The following SLC38A10 variants were observed in gnomAD, a reference collection of about 807,000 sequenced individuals.
The protein encoded by SLC38A10 is Sodium-coupled neutral amino acid transporter 10.
In SLC38A10, 53 loss-of-function variants were observed where a neutral mutation model predicts 81.0. The ratio of observed to expected loss-of-function variants is 0.65; its 90% CI spans 0.53 to 0.82. SLC38A10 has a LOEUF of 0.82. Ranked by LOEUF, SLC38A10 falls within the 40% of genes least tolerant of loss-of-function variation. The pLI is 0.00. For synonymous variants in SLC38A10, 665 were observed against 655.3 expected (o/e 1.01, Z -0.23); for missense variants, 1,471 against 1,545.0 (o/e 0.95, Z 0.80).
intron 14 of SLC38A10, among the ~76,000 whole-genome samples, chr17:81,248,772 C>T (rs1020579236): frequency 6.6e-6 from 1 of 152,244 alleles, no homozygotes; most frequent in Non-Finnish European, 1.5e-5. Flanking sequence ...CTCCCAGGAA[C>T]GCAGCCCTGG....
At chr17:81,252,842 C>A (rs1268296905) in intron 12 of SLC38A10, among the ~76,000 whole-genome samples, 159 bp from the exon 13 acceptor site, 2 of 152,236 alleles carry the variant, frequency 1.3e-5, no homozygotes, top group Non-Finnish European at 2.9e-5. Flanking sequence ...CCTGGCCAAG[C>A]ACAGCTGATG....
Position 81,260,262 on chromosome 17 carries a change from T to C in SLC38A10, c.1264A>G (p.Lys422Glu), listed in dbSNP as rs2063009656. 1 of 1,605,434 alleles carries C rather than the reference T, an allele frequency of 6.2e-7. No homozygotes were observed. The highest frequency in any genetic ancestry group is 1.1e-5 in the South Asian group (1 of 89,440). Residue 422 changes from lysine (K) to glutamate (E), a missense_variant, in exon 11 of 16, where the codon AAG becomes GAG. Transcript: ENST00000374759. ...CCTGAGAGCCGCGCTGCCTCCACCT[T>C]CATCAAACCCTCGGCCTCTCCAAGC... ...GRLGEAEGLMKVEAARLSAQD... is the reference protein window; with the variant it reads ...GRLGEAEGLMEVEAARLSAQD...
rs752422072 is a variant in SLC38A10, at chr17:81,251,510, G to A, written c.2048C>T (p.Ala683Val). 1.2e-5 allele frequency: 19 copies of A among 1,598,872 alleles called. No homozygotes were observed. Among genetic ancestry groups the A allele is most frequent in the South Asian group, 2.2e-5 (2 of 89,770 alleles). The change falls in exon 14 of 16, where the codon GCG becomes GTG. Residue 683 changes from alanine (A) to valine (V), a missense_variant. This residue lies in a region of SLC38A10 where 751 missense variants were observed against 717.4 expected (regional missense o/e 1.05). Coordinates refer to ENST00000374759, the MANE Select transcript of SLC38A10 (RefSeq NM_001037984.3). Reference sequence around the variant, plus strand: ...GGCCTTACCCTCCAGCTGGCTGGCCGCCTGGTTTCCACCCGCTCGCTCCAC... The same window carrying A: ...GGCCTTACCCTCCAGCTGGCTGGCCACCTGGTTTCCACCCGCTCGCTCCAC... ...RDVERAGGNQ[A>V]ASQLEEAGRA...
chr17:81,285,954 C>G (rs2063263059), intron 2 of SLC38A10, among the ~76,000 whole-genome samples: 1 of 152,206 alleles, frequency 6.6e-6, no homozygotes, highest in Admixed American at 6.5e-5. Context: ...CTGGCCTTTC[C>G]TGGACCTGCC....
chr17:81,253,290 G>A lies in SLC38A10; in HGVS notation c.1289-50C>T, dbSNP rs9910154. The A allele has an allele frequency of 4.4e-3, 7,054 of 1,596,116 alleles. 278 individuals are homozygous for A. In the African/African-American group the frequency reaches 0.083, roughly 19 times the overall value. ...ACTGCACTGCCAAGCAGCTCCAGGAGCGGGGCAGCTCTCCCTGGACTGTTA... is the reference window on the plus strand; with the variant it reads ...ACTGCACTGCCAAGCAGCTCCAGGAACGGGGCAGCTCTCCCTGGACTGTTA... On this transcript the variant is annotated intron_variant, in intron 11 of 15. Transcript: ENST00000374759. This position sits in a 1 kb window ranked among gnomAD's most constrained non-coding sequence, Gnocchi z 4.1.
chr17:81,245,621 C>A lies in SLC38A10; in HGVS notation c.3295G>T (p.Gly1099Ter), dbSNP rs951448345. 4 of 1,612,184 alleles carry A rather than the reference C, an allele frequency of 2.5e-6. No homozygotes were observed. Among genetic ancestry groups the A allele is most frequent in the Non-Finnish European group, 3.4e-6 (4 of 1,179,794 alleles). The change falls in exon 16 of 16, where the codon GGA becomes TGA. Residue 1099 changes from glycine (G) to a stop codon, truncating the protein, a stop_gained. Transcript: ENST00000374759. LOFTEE classifies it low-confidence loss of function (END_TRUNC). ...CGGCTGTGGACCACCTGCAGAGCTC[C>A]CCCCGCAGCCTGGCGGAGCTGGGCA... ...LDAQLRQAAG[G>*]ALQVVHSRQL...
rs1378616751 is a variant in SLC38A10 at position 81,286,131 on chromosome 17, C to T, written c.218-1236G>A. ...CCAGGGCCCTGCTGTCACCAAGGAA[C>T]GCCCTCCACACCCCTCAGTGACGGC... On this transcript the variant is annotated intron_variant, in intron 2 of 15. Coordinates refer to ENST00000374759, the MANE Select transcript of SLC38A10 (RefSeq NM_001037984.3). The surrounding 1 kb of genome is among the most constrained non-coding windows in gnomAD (Gnocchi z 6.0). Among the ~76,000 whole-genome samples, 1 of 152,206 alleles carries T rather than the reference C, an allele frequency of 6.6e-6. No individual in the cohort carries two copies. Among genetic ancestry groups the T allele is most frequent in the African/African-American group, 2.4e-5 (1 of 41,440 alleles).
At position 81,244,825 on chromosome 17, in the gene SLC38A10, G is replaced by A. The variant is rs1016618238; in HGVS notation, c.*731C>T. On this transcript the variant is annotated 3_prime_UTR_variant, in exon 16 of 16. Transcript: ENST00000374759. ...AACTTCACTAATCAGGTTATCAGTG[G>A]TGTTTTTTACTTTTTAAAAAAAGCC... 2.0e-5 allele frequency among the ~76,000 whole-genome samples: 3 copies of A among 152,184 alleles called. No homozygotes were observed. The highest frequency in any genetic ancestry group is 2.0e-4 in the Admixed American group (3 of 15,292).
In SLC38A10 at chr17:81,284,932, C is replaced by T. The variant is rs945235999; in HGVS notation, c.218-37G>A. ...GAAAAAGGAACACTCAATCCAACAG[C>T]GTGAGAAGCTCGTCCAGAACAAAGG... On this transcript the variant is annotated intron_variant, in intron 2 of 15. Transcript: ENST00000374759. 2.3e-5 allele frequency: 35 copies of T among 1,527,348 alleles called. No homozygotes were observed. The Admixed American group carries it at 5.6e-4, about 24-fold the overall frequency. The allele number at this position is 1,527,348 out of a possible 1,614,324, so 94.6% of individuals were successfully genotyped here. A position where few individuals can be genotyped will look rare whatever the true frequency, so the allele number is the denominator to read the frequency against.
rs893991251 is a variant in SLC38A10, at chr17:81,270,678, C to T, written c.1131+240G>A. ...AGCGCTTACGACTCAGCTAAGTCGG[C>T]TCTCAGGAAAACCCGATGCACAGCT... is the stretch of plus-strand genomic sequence containing the variant. On this transcript the variant is annotated intron_variant, in intron 10 of 15. Transcript: ENST00000374759. This position sits in a 1 kb window ranked among gnomAD's most constrained non-coding sequence, Gnocchi z 4.0. Among the ~76,000 whole-genome samples, 1 of 152,200 alleles carries T rather than the reference C, an allele frequency of 6.6e-6. No homozygotes were observed. The highest frequency in any genetic ancestry group is 2.4e-5 in the African/African-American group (1 of 41,442).
Position 81,246,577 on chromosome 17 carries a change from G to C in SLC38A10, c.2339C>G (p.Pro780Arg), listed in dbSNP as rs773386305. ...AGGAGCTCTGAGGACAGGGTCCAAA[G>C]GCAGGGGAGGCAGATTCTCCACCGT... Reference protein sequence around the residue: ...RETVENLPPLPLDPVLRAPGG... With the variant: ...RETVENLPPLRLDPVLRAPGG... Residue 780 changes from proline to arginine, a missense_variant, in exon 16 of 16, where the codon CCT becomes CGT. Coordinates refer to ENST00000374759, the MANE Select transcript of SLC38A10 (RefSeq NM_001037984.3). 4 of 1,517,794 alleles carry C rather than the reference G, an allele frequency of 2.6e-6. No homozygotes were observed. Among genetic ancestry groups the C allele is most frequent in the Admixed American group, 4.5e-5 (2 of 44,372 alleles). The allele number at this position is 1,517,794 out of a possible 1,614,324, so 94.0% of individuals were successfully genotyped here.
intron 11 of SLC38A10, among the ~76,000 whole-genome samples, chr17:81,256,320 C>T (rs1001121495): frequency 1.3e-5 from 2 of 152,216 alleles, no homozygotes; most frequent in African/African-American, 4.8e-5. Context: ...GAAGGGGCAA[C>T]ATCTAATGCA....
In SLC38A10 at chr17:81,245,151, T is replaced by C. The variant is rs1205600445; in HGVS notation, c.*405A>G. ...CCTGTGTTGGGACCATGAGCAGCCA[T>C]GCGCACCTCCACGCACGGCCGAGCT... On this transcript the variant is annotated 3_prime_UTR_variant, in exon 16 of 16. Coordinates refer to ENST00000374759, the MANE Select transcript of SLC38A10 (RefSeq NM_001037984.3). 3.0e-5 allele frequency: 6 copies of C among 200,266 alleles called. No individual in the cohort carries two copies. Among genetic ancestry groups the C allele is most frequent in the East Asian group, 1.3e-4 (1 of 7,686 alleles). The allele number at this position is 200,266 out of a possible 1,614,324, so 12.4% of individuals were successfully genotyped here.
In SLC38A10 at chr17:81,270,273, G is replaced by A. The variant is rs780103130; in HGVS notation, c.1131+645C>T. On this transcript the variant is annotated intron_variant, in intron 10 of 15. Coordinates refer to ENST00000374759, the MANE Select transcript of SLC38A10 (RefSeq NM_001037984.3). The surrounding 1 kb of genome is among the most constrained non-coding windows in gnomAD (Gnocchi z 4.0). ...TTTCTAGAAGGCTTCCTACAGACGCGTGCTCAAATACGTCGACATGCTCAT... is the reference window on the plus strand; with the variant it reads ...TTTCTAGAAGGCTTCCTACAGACGCATGCTCAAATACGTCGACATGCTCAT... 1.1e-4 allele frequency among the ~76,000 whole-genome samples: 16 copies of A among 152,194 alleles called. No individual in the cohort carries two copies. Among genetic ancestry groups the A allele is most frequent in the African/African-American group, 3.4e-4 (14 of 41,440 alleles).
chr17:81,252,591 G>T lies in SLC38A10; in HGVS notation c.1549C>A (p.Pro517Thr), dbSNP rs765349783. Residue 517 changes from proline to threonine, a missense_variant, in exon 13 of 16, where the codon CCA (proline) becomes ACA (threonine). This residue lies in a region of SLC38A10 where 720 missense variants were observed against 827.7 expected (regional missense o/e 0.87). Coordinates refer to ENST00000374759, the MANE Select transcript of SLC38A10 (RefSeq NM_001037984.3). ...CTGGATGGAGGTTTGTTCTCTTCTG[G>T]CACCTCTCGGTCTTGGCCTTCATCT... is the stretch of plus-strand genomic sequence containing the variant. ...VVDEGQDREV[P>T]EENKPPSRHA... 4.3e-6 allele frequency: 7 copies of T among 1,613,316 alleles called. No individual in the cohort carries two copies. In the East Asian group the frequency reaches 1.6e-4, roughly 36 times the overall value.
chr17:81,272,599 C>T lies in SLC38A10; in HGVS notation c.941G>A (p.Gly314Asp). 2 of 1,559,624 alleles carry T rather than the reference C, an allele frequency of 1.3e-6. No individual in the cohort carries two copies. Among genetic ancestry groups the T allele is most frequent in the Non-Finnish European group, 8.6e-7 (1 of 1,157,926 alleles). The stretch of plus-strand genomic sequence containing the variant: ...TTTAAACCGGAGAGGGGGCATGTAG[C>T]CCCCTGCTGCAAAGGTGCCATCTTT... ...QQKDGTFAAG[G>D]YMPPLRFKAL... Residue 314 changes from glycine (G) to aspartate (D), a missense_variant, in exon 9 of 16, where the codon GGC becomes GAC. This residue lies in a region of SLC38A10 where 720 missense variants were observed against 827.7 expected (regional missense o/e 0.87). Coordinates refer to ENST00000374759, the MANE Select transcript of SLC38A10 (RefSeq NM_001037984.3).
chr17:81,257,543 C>T (rs940265074), intron 11 of SLC38A10, among the ~76,000 whole-genome samples: 37 of 152,240 alleles, frequency 2.4e-4, no homozygotes, highest in Non-Finnish European at 4.4e-5. Flanking sequence ...AGGACCTGGC[C>T]GAATTCCGAA....
At chr17:81,256,331 TC>T (rs2062972287) in intron 11 of SLC38A10, among the ~76,000 whole-genome samples, 1 of 152,058 alleles carries the variant, frequency 6.6e-6, no homozygotes, top group African/African-American at 2.4e-5. Context: ...ATCTAATGCA[TC>T]CCCAACCCCA....
rs1337213983 is a variant in SLC38A10 at position 81,281,311 on chromosome 17, T to G, written c.502-578A>C. ...TTCCAGCCACTCAGGAAGGGTCATT[T>G]CTGACCTTGCCAGGGAACAGGAAGG... On this transcript the variant is annotated intron_variant, in intron 5 of 15. Coordinates refer to ENST00000374759, the MANE Select transcript of SLC38A10 (RefSeq NM_001037984.3). The surrounding 1 kb of genome is among the most constrained non-coding windows in gnomAD (Gnocchi z 5.3). Among the ~76,000 whole-genome samples the G allele has an allele frequency of 6.6e-6, 1 of 152,078 alleles. No individual in the cohort carries two copies. Among genetic ancestry groups the G allele is most frequent in the Non-Finnish European group, 1.5e-5 (1 of 68,024 alleles).
Sources: gnomAD v4.1 joint callset for allele counts (sites outside exome capture counted in the v4.1 genomes callset) on GRCh38, gnomAD v4.1.1 for gene constraint, gnomAD v4.1.1 regional missense constraint, Gnocchi (gnomAD v3.1) non-coding constraint, MANE v1.5 for transcripts, NCBI Gene and HGNC (gene_info 2026-07-23, HGNC 2026-07-21) for gene names.